Variants in DOCK4 observed in about 807,000 individuals in gnomAD.
DOCK4 encodes the protein dedicator of cytokinesis 4, also known as dedicator of cytokinesis protein 4.
Under a neutral mutation model 268.1 loss-of-function variants are expected in DOCK4, and 97 were observed. That is an observed-to-expected ratio of 0.36 (90% confidence interval 0.31 to 0.43). The LOEUF is 0.43. Among genes scored for constraint, DOCK4 ranks in the 20% least tolerant of loss-of-function variants. The pLI, the probability that DOCK4 is intolerant of heterozygous loss-of-function variation, is 1.00. For synonymous variants in DOCK4, 954 were observed against 887.2 expected, an observed-to-expected ratio of 1.08 and a Z score of -1.34; for missense variants, 2,145 against 2,455.7, an observed-to-expected ratio of 0.87 and a Z score of 2.67.
chr7:111,940,661 GAGGTTGTCTGA>G (rs1350053122), intron 10 of DOCK4, among the ~76,000 whole-genome samples: 1 of 152,186 alleles, frequency 6.6e-6, no homozygotes, highest in Admixed American at 6.5e-5. Flanking sequence ...AGAGTAGTTT[GAGGTTGTCTGA>G]AGTACAGCAA....
At chr7:111,993,653 T>C (rs1174393186) in intron 5 of DOCK4, among the ~76,000 whole-genome samples, 1 of 152,214 alleles carries the variant, frequency 6.6e-6, no homozygotes, top group East Asian at 1.9e-4. Context: ...TAAATAAATA[T>C]ATACTACGTA....
intron 1 of DOCK4, among the ~76,000 whole-genome samples, chr7:112,100,486 T>C (rs1473848703): frequency 6.6e-6 from 1 of 152,254 alleles, no homozygotes; most frequent in South Asian, 2.1e-4. Flanking sequence ...CGTCCTTCCC[T>C]CTGAGCCTGC....
At chr7:111,934,523 GTTTTTTTTTTT>G (rs1183672033) in intron 12 of DOCK4, among the ~76,000 whole-genome samples, 5 of 83,874 alleles carry the variant, frequency 6.0e-5, no homozygotes, top group African/African-American at 1.6e-4. Context: ...TTTTGTTTTT[GTTTTTTTTTTT>G]TTTTTTTTTT....
At chr7:111,809,184 G>T in intron 29 of DOCK4, 117 bp downstream of exon 29, 2 of 840,224 alleles carry the variant, frequency 2.4e-6, no homozygotes, top group African/African-American at 1.7e-5. Flanking sequence ...TTGACCCCTT[G>T]GTCACTGGTT....
At chr7:111,959,591 A>C (rs1456173244) in intron 8 of DOCK4, among the ~76,000 whole-genome samples, 2 of 152,178 alleles carry the variant, frequency 1.3e-5, no homozygotes, top group East Asian at 3.9e-4. Flanking sequence ...CATACACAAA[A>C]ATATTAGCAT....
intron 13 of DOCK4, among the ~76,000 whole-genome samples, chr7:111,908,599 G>A (rs980143117): frequency 6.6e-6 from 1 of 152,006 alleles, no homozygotes; most frequent in Non-Finnish European, 1.5e-5. Flanking sequence ...TGATACATAG[G>A]TATACATGTG....
chr7:111,809,017 C>T lies in DOCK4; in HGVS notation c.3108-138G>A, dbSNP rs896335980. ...TTAAAGACATTTAATATACATGTCA[C>T]GATGCCTCTAAGTCAAATTCTGGTG... On this transcript the variant is annotated intron_variant, in intron 29 of 52. Transcript: ENST00000428084. The T allele has an allele frequency of 6.2e-5, 58 of 937,450 alleles. No individual in the cohort carries two copies. The South Asian group carries it at 7.3e-4, about 12-fold the overall frequency. 58.1% of individuals were successfully genotyped at this position (937,450 alleles called of 1,614,324 possible).
intron 1 of DOCK4, among the ~76,000 whole-genome samples, chr7:112,187,572 A>G (rs1819582945): frequency 6.6e-6 from 1 of 152,172 alleles, no homozygotes; most frequent in African/African-American, 2.4e-5. Flanking sequence ...ACCAAACCCA[A>G]AAAAGAAATG....
chr7:112,066,699 A>ATGTATGTATGTGTG lies in DOCK4; in HGVS notation c.38-62569_38-62568insCACACATACATACA, dbSNP rs1554433348. 1.6e-3 allele frequency among the ~76,000 whole-genome samples: 54 copies of ATGTATGTATGTGTG among 32,822 alleles called. 1 individual carries two copies. The highest frequency in any genetic ancestry group is 5.0e-3 in the African/African-American group (50 of 10,048). 21.5% of individuals were successfully genotyped at this position (32,822 alleles called of 152,430 possible). A position where few individuals can be genotyped will look rare whatever the true frequency, so the allele number is the denominator to read the frequency against. On this transcript the variant is annotated intron_variant, in intron 1 of 52. Transcript: ENST00000428084. Reference sequence around the variant, plus strand: ...TACATATATACATATACATATATATATATATATATATATATATATATATAT... The same window carrying ATGTATGTATGTGTG: ...TACATATATACATATACATATATATATGTATGTATGTGTGTATATATATATATATATATATATAT...
intron 35 of DOCK4, among the ~76,000 whole-genome samples, chr7:111,779,846 T>G (rs1798683974): frequency 6.6e-6 from 1 of 152,202 alleles, no homozygotes; most frequent in South Asian, 2.1e-4. Context: ...ATGTTGTGAG[T>G]CTCCAAACAA....
chr7:111,963,231 G>A (rs935370071), intron 8 of DOCK4, among the ~76,000 whole-genome samples: 5 of 151,840 alleles, frequency 3.3e-5, no homozygotes, highest in African/African-American at 7.3e-5. Flanking sequence ...GAACAGCTCC[G>A]GACTACAGCT....
At chr7:112,147,888 C>T (rs890276569) in intron 1 of DOCK4, among the ~76,000 whole-genome samples, 2 of 145,252 alleles carry the variant, frequency 1.4e-5, no homozygotes, top group Non-Finnish European at 3.0e-5. Flanking sequence ...TTCTCCATCT[C>T]CTCATTATTC....
rs1247376252 is a variant in DOCK4, at chr7:111,872,414, G to A, written c.1842+53C>T. ...TACTATCTGTCTTTTTCCTCCAAAT[G>A]TTCTTTATTCTATGAATCTCTGCAA... On this transcript the variant is annotated intron_variant, in intron 18 of 52. Coordinates refer to ENST00000428084, the MANE Select transcript of DOCK4 (RefSeq NM_001363540.2). 7.2e-6 allele frequency: 11 copies of A among 1,530,150 alleles called. No individual in the cohort carries two copies. In the East Asian group the frequency reaches 1.2e-4, roughly 17 times the overall value. The allele number at this position is 1,530,150 out of a possible 1,614,324, so 94.8% of individuals were successfully genotyped here.
intron 42 of DOCK4, among the ~76,000 whole-genome samples, chr7:111,748,840 C>G (rs1796448813): frequency 6.6e-6 from 1 of 151,912 alleles, no homozygotes; most frequent in African/African-American, 2.4e-5. Flanking sequence ...TGTCCATTGA[C>G]AAGAGAATAA....
chr7:111,844,831 T>C lies in DOCK4; in HGVS notation c.2668A>G (p.Ile890Val). Residue 890 changes from isoleucine to valine, a missense_variant, in exon 25 of 53, where the codon ATA becomes GTA. Ile to Val is a conservative substitution (Grantham distance 29, BLOSUM62 3). Transcript: ENST00000428084. ...ASLLDILLRTILEITSRPQPS... is the reference protein window; with the variant it reads ...ASLLDILLRTVLEITSRPQPS... ...TGAGGTCGGCTGGTGATCTCCAATA[T>C]GGTCCTCAGCAGAATATCCAGCAAG... 2.5e-6 allele frequency: 4 copies of C among 1,613,696 alleles called. No individual in the cohort carries two copies. The highest frequency in any genetic ancestry group is 3.4e-6 in the Non-Finnish European group (4 of 1,179,722).
At position 112,066,290 on chromosome 7, in the gene DOCK4, C is replaced by A. The variant is rs1806923396; in HGVS notation, c.38-62159G>T. On this transcript the variant is annotated intron_variant, in intron 1 of 52. Transcript: ENST00000428084. ...TTGGAGCAGGGACACTCTTCTTTTACTGTCCTTGGACATAAGTCCAGGTTC... is the reference window on the plus strand; with the variant it reads ...TTGGAGCAGGGACACTCTTCTTTTAATGTCCTTGGACATAAGTCCAGGTTC... Among the ~76,000 whole-genome samples the A allele has an allele frequency of 2.0e-5, 3 of 152,174 alleles. No individual in the cohort carries two copies. The South Asian group carries it at 6.2e-4, about 32-fold the overall frequency.
chr7:112,035,530 G>A (rs759587364), intron 1 of DOCK4, among the ~76,000 whole-genome samples: 18 of 152,058 alleles, frequency 1.2e-4, no homozygotes, highest in Non-Finnish European at 2.1e-4. Flanking sequence ...ATGGAAAACA[G>A]AACAATAGTA....
intron 1 of DOCK4, among the ~76,000 whole-genome samples, chr7:112,040,733 C>T (rs1010420965): frequency 4.0e-5 from 6 of 151,686 alleles, no homozygotes; most frequent in African/African-American, 1.5e-4. Context: ...TAGGTAGATG[C>T]TAAGGCAGAG....
chr7:111,819,105 G>A, intron 27 of DOCK4, among the ~76,000 whole-genome samples: 1 of 152,084 alleles, frequency 6.6e-6, no homozygotes. Context: ...ACCCAAGTTG[G>A]TTAGTGCATG....
Sources: gnomAD v4.1 joint callset for allele counts (sites outside exome capture counted in the v4.1 genomes callset) on GRCh38, gnomAD v4.1.1 for gene constraint, MANE v1.5 for transcripts, NCBI Gene and HGNC (gene_info 2026-07-23, HGNC 2026-07-21) for gene names.